The following MIS18A variants were observed in gnomAD, a reference collection of about 807,000 sequenced individuals.
MIS18A encodes protein Mis18-alpha.
Under a neutral mutation model 25.0 loss-of-function variants are expected in MIS18A, and 14 were observed. The observed-to-expected ratio is 0.56, with a 90% CI of 0.37 to 0.88. The LOEUF (loss-of-function observed/expected upper bound fraction) is 0.88, where lower values mean the gene tolerates loss of function less well. Among genes scored for constraint, MIS18A ranks in the 40% least tolerant of loss-of-function variants. The pLI, the probability that MIS18A is intolerant of heterozygous loss-of-function variation, is 0.00. For missense variants in MIS18A, 292 were observed against 290.8 expected (o/e 1.00, Z -0.03); for synonymous variants, 134 against 118.6 (o/e 1.13, Z -0.84).
chr21:32,240,921 A>T, the MIS18A span, among the ~76,000 whole-genome samples: 17 of 152,166 alleles, frequency 1.1e-4, no homozygotes, highest in Non-Finnish European at 1.5e-4. Context: ...TCCCCATAAT[A>T]CAGGAAGTCT....
At chr21:32,254,081 A>C in the MIS18A span, among the ~76,000 whole-genome samples, 19 of 152,136 alleles carry the variant, frequency 1.2e-4, no homozygotes, top group African/African-American at 4.6e-4. Flanking sequence ...CTAAAAATAC[A>C]ATAGCCGAGT....
chr21:32,232,024 C>A, the MIS18A span, among the ~76,000 whole-genome samples: 2 of 152,172 alleles, frequency 1.3e-5, no homozygotes, highest in African/African-American at 2.4e-5. Context: ...CATCTGCATG[C>A]CCATGTTCAC....
At chr21:32,236,724 A>G in the MIS18A span, among the ~76,000 whole-genome samples, 2 of 152,136 alleles carry the variant, frequency 1.3e-5, no homozygotes, top group East Asian at 1.9e-4. Flanking sequence ...ATCACACATC[A>G]TCTTAAGGCT....
the MIS18A span, among the ~76,000 whole-genome samples, chr21:32,245,626 CAAGGTT>C: frequency 6.6e-6 from 1 of 152,304 alleles, no homozygotes; most frequent in Non-Finnish European, 1.5e-5. Flanking sequence ...GGCTAATACT[CAAGGTT>C]AAGCCATCAG....
the MIS18A span, among the ~76,000 whole-genome samples, chr21:32,222,717 G>T: frequency 6.6e-6 from 1 of 151,252 alleles, no homozygotes; most frequent in Non-Finnish European, 1.5e-5. Flanking sequence ...GGGTCACGAG[G>T]TCAGGAGATC....
chr21:32,162,041 A>T, the MIS18A span, among the ~76,000 whole-genome samples: 2 of 152,068 alleles, frequency 1.3e-5, no homozygotes, highest in Non-Finnish European at 2.9e-5. Context: ...TCTCAACACC[A>T]TTTCAAGGAA....
the MIS18A span, among the ~76,000 whole-genome samples, chr21:32,234,336 C>T: frequency 6.6e-6 from 1 of 152,164 alleles, no homozygotes; most frequent in Non-Finnish European, 1.5e-5. Flanking sequence ...CCTGCTCAGC[C>T]TTACGGTCTT....
At chr21:32,244,995 T>A in the MIS18A span, among the ~76,000 whole-genome samples, 2 of 152,270 alleles carry the variant, frequency 1.3e-5, no homozygotes, top group East Asian at 3.9e-4. Context: ...CAGGAAAAAA[T>A]GGACTGTTCA....
At chr21:32,230,970 C>T in the MIS18A span, among the ~76,000 whole-genome samples, 3 of 152,028 alleles carry the variant, frequency 2.0e-5, no homozygotes, top group Non-Finnish European at 2.9e-5. Context: ...CGCAGTGGCT[C>T]ATGTCTGTAA....
At chr21:32,219,506 C>A in the MIS18A span, among the ~76,000 whole-genome samples, 1 of 152,232 alleles carries the variant, frequency 6.6e-6, no homozygotes, top group Admixed American at 6.5e-5. Context: ...CCCTTGGGTG[C>A]CATACCACCA....
the MIS18A span, among the ~76,000 whole-genome samples, chr21:32,195,462 T>G: frequency 6.6e-6 from 1 of 152,166 alleles, no homozygotes; most frequent in African/African-American, 2.4e-5. Context: ...GAGCTCTTCT[T>G]CCCTCACCAC....
chr21:32,202,847 A>G, the MIS18A span, among the ~76,000 whole-genome samples: 1 of 152,194 alleles, frequency 6.6e-6, no homozygotes, highest in African/African-American at 2.4e-5. Flanking sequence ...CATCATATGT[A>G]TATACCACAG....
chr21:32,165,055 C>T, the MIS18A span, among the ~76,000 whole-genome samples: 16 of 152,130 alleles, frequency 1.1e-4, no homozygotes, highest in Non-Finnish European at 1.5e-4. Flanking sequence ...ATTACTTGGC[C>T]GGGCACGGTG....
the MIS18A span, among the ~76,000 whole-genome samples, chr21:32,217,620 A>C: frequency 6.6e-6 from 1 of 152,256 alleles, no homozygotes; most frequent in Admixed American, 6.5e-5. Context: ...AACTAGCTCA[A>C]CAACCTTCAG....
chr21:32,264,601 G>A (rs188687001), downstream of MIS18A, among the ~76,000 whole-genome samples: 1 of 152,256 alleles, frequency 6.6e-6, no homozygotes, highest in African/African-American at 2.4e-5. Context: ...ATTTGCCCCT[G>A]ATCACATGGC....
At chr21:32,191,498 G>A in the MIS18A span, among the ~76,000 whole-genome samples, 28 of 152,066 alleles carry the variant, frequency 1.8e-4, no homozygotes, top group African/African-American at 5.6e-4. Context: ...AGGCTGAGGC[G>A]GAAGGATCAT....
At chr21:32,182,105 G>C in the MIS18A span, among the ~76,000 whole-genome samples, 1 of 152,170 alleles carries the variant, frequency 6.6e-6, no homozygotes, top group African/African-American at 2.4e-5. Context: ...TCAAATTATA[G>C]CCTATGACCA....
the MIS18A span, among the ~76,000 whole-genome samples, chr21:32,244,240 T>C: frequency 1.3e-5 from 2 of 151,998 alleles, no homozygotes; most frequent in African/African-American, 4.8e-5. Context: ...GCACAGTGGA[T>C]TGCGCGGGGC....
chr21:32,259,017 G>C, the MIS18A span, among the ~76,000 whole-genome samples: 11 of 58,666 alleles, frequency 1.9e-4, no homozygotes, highest in African/African-American at 7.7e-4. Context: ...GGGACTGCAA[G>C]TGCACGCTAC....
Sources: allele counts gnomAD v4.1 joint callset (sites outside exome capture counted in the v4.1 genomes callset), GRCh38; gene constraint gnomAD v4.1.1; transcripts MANE v1.5; gene names NCBI Gene and HGNC (gene_info 2026-07-23, HGNC 2026-07-21).